KIAA1549L: variants seen among roughly 807,000 people sequenced by gnomAD.
KIAA1549L encodes the protein UPF0606 protein KIAA1549L.
In KIAA1549L, 88 loss-of-function variants were observed where a neutral mutation model predicts 160.7. The observed-to-expected ratio is 0.55, with a 90% CI of 0.46 to 0.65. The LOEUF is 0.65. KIAA1549L is among the 30% of genes least tolerant of loss of function. The pLI is 0.00. For missense variants in KIAA1549L, 2,258 were observed against 2,437.5 expected, an observed-to-expected ratio of 0.93 and a Z score of 1.55; for synonymous variants, 950 against 976.7, an observed-to-expected ratio of 0.97 and a Z score of 0.51.
At chr11:33,554,175 G>C (rs1854567362) in intron 6 of KIAA1549L, among the ~76,000 whole-genome samples, 1 of 152,116 alleles carries the variant, frequency 6.6e-6, no homozygotes, top group Non-Finnish European at 1.5e-5. Context: ...ACCAGGGCCT[G>C]TTTTTGTAAT....
At chr11:33,529,616 A>C (rs144512060) in intron 1 of KIAA1549L, among the ~76,000 whole-genome samples, 131 of 152,346 alleles carry the variant, frequency 8.6e-4, no homozygotes, top group African/African-American at 3.0e-3. Context: ...AGGCAATTGG[A>C]TCAGGAACTC....
At chr11:33,568,310 T>G in intron 9 of KIAA1549L, 83 bp downstream of exon 9, 1 of 1,381,374 alleles carries the variant, frequency 7.2e-7, no homozygotes, top group South Asian at 1.4e-5. Flanking sequence ...AATAAGTCAG[T>G]GTGCTCAGAG....
At chr11:33,469,337 A>G (rs1338536446) in intron 1 of KIAA1549L, among the ~76,000 whole-genome samples, 1 of 152,154 alleles carries the variant, frequency 6.6e-6, no homozygotes, top group Admixed American at 6.5e-5. Flanking sequence ...TTCCAGGTTT[A>G]TCTTTATTTT....
chr11:33,445,141 G>A (rs1422911278), intron 1 of KIAA1549L, among the ~76,000 whole-genome samples: 1 of 152,180 alleles, frequency 6.6e-6, no homozygotes, highest in Non-Finnish European at 1.5e-5. Context: ...AGGGACCAAG[G>A]GCAGGGCCAT....
intron 1 of KIAA1549L, among the ~76,000 whole-genome samples, chr11:33,408,564 G>A (rs1850720168): frequency 6.7e-6 from 1 of 149,752 alleles, no homozygotes. Context: ...CTTTAGGAAA[G>A]CTTCCTACAC....
intron 1 of KIAA1549L, among the ~76,000 whole-genome samples, chr11:33,521,673 A>G (rs1465591241): frequency 3.3e-5 from 5 of 152,312 alleles, no homozygotes; most frequent in African/African-American, 1.2e-4. Flanking sequence ...AGACTCTAGC[A>G]AATGATATAT....
At chr11:33,627,642 CTCT>C in intron 16 of KIAA1549L, among the ~76,000 whole-genome samples, 2 of 152,244 alleles carry the variant, frequency 1.3e-5, no homozygotes, top group South Asian at 4.2e-4. Context: ...TTTGATTCTT[CTCT>C]TTTTTTCTTT....
At chr11:33,537,653 T>A (rs1188936528) in intron 1 of KIAA1549L, among the ~76,000 whole-genome samples, 2 of 152,224 alleles carry the variant, frequency 1.3e-5, no homozygotes, top group African/African-American at 4.8e-5. Context: ...TCCCTAGTTC[T>A]GTCCCTGGAG....
intron 1 of KIAA1549L, among the ~76,000 whole-genome samples, chr11:33,497,609 A>T (rs1852850346): frequency 6.6e-6 from 1 of 152,212 alleles, no homozygotes; most frequent in Admixed American, 6.5e-5. Flanking sequence ...TATATCTGGA[A>T]GGATGGAGGG....
intron 1 of KIAA1549L, among the ~76,000 whole-genome samples, chr11:33,409,378 A>C (rs559779839): frequency 6.6e-6 from 1 of 152,210 alleles, no homozygotes; most frequent in African/African-American, 2.4e-5. Context: ...GACATTTGCT[A>C]TCCTGAATAT....
chr11:33,514,503 C>A (rs924851005), intron 1 of KIAA1549L, among the ~76,000 whole-genome samples: 3 of 152,194 alleles, frequency 2.0e-5, no homozygotes, highest in African/African-American at 7.2e-5. Context: ...TACAAAAGTT[C>A]TTTGTCTTAA....
At chr11:33,665,105 G>A (rs565193009) in intron 20 of KIAA1549L, 2 of 152,432 alleles carry the variant, frequency 1.3e-5, no homozygotes, top group South Asian at 4.1e-4. Context: ...TACTGTTATG[G>A]GATCTTTGGG....
chr11:33,435,818 G>GTGTGTGTGTGTGTGTGTGTGTGTGTA lies in KIAA1549L; in HGVS notation c.238+58930_238+58931insGTGTGTGTGTGTGTGTGTGTGTGTAT, dbSNP rs1554976830. On this transcript the variant is annotated intron_variant, in intron 1 of 20. Coordinates refer to ENST00000658780, the MANE Select transcript of KIAA1549L (RefSeq NM_012194.3). ...TATATATATATATATATATGTGTGTGTATATATATATATGTATATGTATAT... is the reference window on the plus strand; with the variant it reads ...TATATATATATATATATATGTGTGTGTGTGTGTGTGTGTGTGTGTGTGTGTATATATATATATATGTATATGTATAT... Among the ~76,000 whole-genome samples the GTGTGTGTGTGTGTGTGTGTGTGTGTA allele has an allele frequency of 3.3e-4, 15 of 45,304 alleles. 1 individual carries two copies. Among genetic ancestry groups the GTGTGTGTGTGTGTGTGTGTGTGTGTA allele is most frequent in the African/African-American group, 7.7e-4 (9 of 11,734 alleles). The allele number at this position is 45,304 out of a possible 152,430, so 29.7% of individuals were successfully genotyped here. A position where few individuals can be genotyped will look rare whatever the true frequency, so the allele number is the denominator to read the frequency against.
At chr11:33,659,335 G>T (rs1852183962) in intron 19 of KIAA1549L, among the ~76,000 whole-genome samples, 1 of 152,258 alleles carries the variant, frequency 6.6e-6, no homozygotes, top group South Asian at 2.1e-4. Context: ...TTACATAAAT[G>T]ATATCATGGC....
intron 1 of KIAA1549L, among the ~76,000 whole-genome samples, chr11:33,380,276 A>G (rs1322887001): frequency 6.6e-6 from 1 of 152,084 alleles, no homozygotes; most frequent in Non-Finnish European, 1.5e-5. Context: ...CAGAACAGGA[A>G]TTTCTTAAAT....
intron 1 of KIAA1549L, among the ~76,000 whole-genome samples, chr11:33,382,294 G>A (rs1225645607): frequency 1.3e-5 from 2 of 152,138 alleles, no homozygotes; most frequent in African/African-American, 2.4e-5. Context: ...AAGCAATCAA[G>A]GAGGAGGGCG....
chr11:33,447,623 G>GCACACACATA (rs1851640651), intron 1 of KIAA1549L, among the ~76,000 whole-genome samples: 1 of 147,260 alleles, frequency 6.8e-6, no homozygotes, highest in Non-Finnish European at 1.5e-5. Context: ...ACATGAACTT[G>GCACACACATA]CACACACACA....
intron 1 of KIAA1549L, among the ~76,000 whole-genome samples, chr11:33,448,955 C>T (rs1446330489): frequency 1.3e-5 from 2 of 152,174 alleles, no homozygotes; most frequent in African/African-American, 2.4e-5. Flanking sequence ...TTACTCACCT[C>T]TTCGCACACT....
At chr11:33,664,788 T>C (rs1257161437) in intron 20 of KIAA1549L, among the ~76,000 whole-genome samples, 1 of 152,208 alleles carries the variant, frequency 6.6e-6, no homozygotes, top group African/African-American at 2.4e-5. Context: ...AAGAAATTTC[T>C]GTTGTTTATA....
Sources: allele counts gnomAD v4.1 joint callset (sites outside exome capture counted in the v4.1 genomes callset), GRCh38; gene constraint gnomAD v4.1.1; transcripts MANE v1.5; gene names NCBI Gene and HGNC (gene_info 2026-07-23, HGNC 2026-07-21).